Variants in CHD7 observed in about 807,000 individuals in gnomAD.
CHD7 encodes ATP-dependent chromatin remodeler CHD7.
In CHD7, 24 loss-of-function variants were observed where a neutral mutation model predicts 307.3. The observed-to-expected ratio is 0.08, with a 90% CI of 0.06 to 0.11. The LOEUF is 0.11. Ranked by LOEUF, CHD7 falls within the 10% of genes least tolerant of loss-of-function variation. The pLI is 1.00. For synonymous variants in CHD7, 1,363 were observed against 1,349.9 expected, an observed-to-expected ratio of 1.01 and a Z score of -0.21; for missense variants, 3,106 against 3,727.1, an observed-to-expected ratio of 0.83 and a Z score of 4.34.
At position 60,743,006 on chromosome 8, in the gene CHD7, A is replaced by C; in HGVS notation, c.1574A>C (p.His525Pro). Reference sequence around the variant, plus strand: ...CTGCAGCCTCACCCGGGCTTGCACCACCAGTCTTCACCTCCACACCCTCAT... The same window carrying C: ...CTGCAGCCTCACCCGGGCTTGCACCCCCAGTCTTCACCTCCACACCCTCAT... ...PPLQPHPGLH[H>P]QSSPPHPHHQ... Residue 525 changes from histidine (H) to proline (P), a missense_variant, in exon 2 of 38, where the codon CAC becomes CCC. Physicochemically the swap from His to Pro is moderately conservative, Grantham distance 77. Transcript: ENST00000423902. The C allele has an allele frequency of 6.2e-7, 1 of 1,613,800 alleles. No homozygotes were observed. The highest frequency in any genetic ancestry group is 1.1e-5 in the South Asian group (1 of 91,042).
intron 21 of CHD7, 111 bp downstream of exon 21, chr8:60,842,163 A>C: frequency 1.2e-6 from 1 of 850,114 alleles, no homozygotes; most frequent in Non-Finnish European, 1.8e-6. Context: ...ACCCCTTTGC[A>C]CAGTCAAATG....
At chr8:60,749,755 A>T (rs1271352330) in intron 2 of CHD7, among the ~76,000 whole-genome samples, 3 of 152,208 alleles carry the variant, frequency 2.0e-5, no homozygotes, top group African/African-American at 7.2e-5. Context: ...CTGCTTTCTC[A>T]CTTGCTGTGG....
chr8:60,834,505 TA>T lies in CHD7; in HGVS notation c.3779-1562del, dbSNP rs1436874208. Among the ~76,000 whole-genome samples the T allele has an allele frequency of 1.4e-4, 22 of 152,352 alleles. No individual in the cohort carries two copies. The South Asian group carries it at 3.9e-3, about 27-fold the overall frequency. ...AGCTGGGTTTCTAAATTTCATGTTT[TA>T]AAAAATATTTAACTTTATTCAAGAA... is the stretch of plus-strand genomic sequence containing the variant. On this transcript the variant is annotated intron_variant, in intron 15 of 37. Transcript: ENST00000423902.
intron 1 of CHD7, among the ~76,000 whole-genome samples, chr8:60,687,516 A>C (rs919806604): frequency 2.0e-5 from 3 of 152,360 alleles, no homozygotes; most frequent in East Asian, 1.9e-4. Context: ...CCGATCTTGC[A>C]AGAAAAATCA....
At chr8:60,825,848 T>C (rs923672119) in intron 13 of CHD7, among the ~76,000 whole-genome samples, 1 of 152,120 alleles carries the variant, frequency 6.6e-6, no homozygotes, top group Non-Finnish European at 1.5e-5. Flanking sequence ...TTGGGCTATT[T>C]TTTTTTTTAA....
intron 2 of CHD7, among the ~76,000 whole-genome samples, chr8:60,762,583 G>A (rs116704852): frequency 0.01 from 1,574 of 152,274 alleles, 27 homozygotes; most frequent in African/African-American, 0.036. Context: ...GATAATACAT[G>A]TACTGTGCTT....
At chr8:60,851,164 G>A (rs1805438254) in intron 27 of CHD7, 60 bp downstream of exon 27, 1 of 1,480,328 alleles carries the variant, frequency 6.8e-7, no homozygotes, top group African/African-American at 1.4e-5. Context: ...GCCCACATAA[G>A]ACTTGTTAAA....
intron 1 of CHD7, among the ~76,000 whole-genome samples, chr8:60,733,542 G>C (rs1032611644): frequency 6.6e-6 from 1 of 152,222 alleles, no homozygotes; most frequent in African/African-American, 2.4e-5. Flanking sequence ...TTAGGAGTTA[G>C]CTTCAGAGAG....
At chr8:60,679,754 G>A (rs1431107338) in intron 1 of CHD7, 1 of 148,842 alleles carries the variant, frequency 6.7e-6, no homozygotes, top group East Asian at 2.0e-4. Flanking sequence ...CTCCCGGCGC[G>A]GCGGCGCCAG....
intron 2 of CHD7, among the ~76,000 whole-genome samples, chr8:60,764,846 C>T (rs529227629): frequency 6.6e-6 from 1 of 152,214 alleles, no homozygotes; most frequent in Non-Finnish European, 1.5e-5. Context: ...GAAGGAGAAA[C>T]TTACGCAGAC....
At chr8:60,765,707 C>T (rs989193573) in intron 2 of CHD7, among the ~76,000 whole-genome samples, 9 of 152,246 alleles carry the variant, frequency 5.9e-5, no homozygotes, top group Middle Eastern at 3.4e-3. Context: ...CCAGGAGGGC[C>T]GGGGGCAGCC....
At chr8:60,680,401 G>T (rs1337984041) in intron 1 of CHD7, among the ~76,000 whole-genome samples, 8 of 91,706 alleles carry the variant, frequency 8.7e-5, no homozygotes, top group Non-Finnish European at 1.3e-4. Flanking sequence ...GAGGTCGCGG[G>T]GGGGGGGGGC....
chr8:60,833,875 C>T (rs1018934613), intron 15 of CHD7, among the ~76,000 whole-genome samples: 2 of 152,174 alleles, frequency 1.3e-5, no homozygotes, highest in Non-Finnish European at 1.5e-5. Context: ...ACACTCTTCC[C>T]ACCCTCTTTC....
chr8:60,858,810 A>G (rs1355463896), intron 34 of CHD7, among the ~76,000 whole-genome samples: 1 of 152,056 alleles, frequency 6.6e-6, no homozygotes, highest in Non-Finnish European at 1.5e-5. Flanking sequence ...GGGTTTCACC[A>G]TGTTGCCCAG....
At chr8:60,823,769 C>G in intron 12 of CHD7, 71 bp from the exon 13 acceptor site, 1 of 1,207,922 alleles carries the variant, frequency 8.3e-7, no homozygotes, top group Admixed American at 1.9e-5. Context: ...ATGTTTTATG[C>G]TATTTATTCA....
At position 60,830,511 on chromosome 8, in the gene CHD7, G is replaced by A. The variant is rs794727150; in HGVS notation, c.3712G>A (p.Val1238Ile). 4 of 1,613,764 alleles carry A rather than the reference G, an allele frequency of 2.5e-6. No individual in the cohort carries two copies. Among genetic ancestry groups the A allele is most frequent in the Non-Finnish European group, 2.5e-6 (3 of 1,179,842 alleles). The change falls in exon 15 of 38, where the codon GTA becomes ATA. Residue 1238 changes from valine (V) to isoleucine (I), a missense_variant. By Grantham distance (29) the Val-to-Ile change is conservative (BLOSUM62 3). This residue lies in a region of CHD7 where 232 missense variants were observed against 422.5 expected (regional missense o/e 0.55). Coordinates refer to ENST00000423902, the MANE Select transcript of CHD7 (RefSeq NM_017780.4). Reference protein sequence around the residue: ...FLSKGGGQANVPNLLNTMMEL... With the variant: ...FLSKGGGQANIPNLLNTMMEL... ...TTCCAAAGGCGGTGGTCAAGCTAAC[G>A]TACCTAACCTATTAAACACTATGAT... is the stretch of plus-strand genomic sequence containing the variant.
At chr8:60,746,876 G>A (rs1294943363) in intron 2 of CHD7, among the ~76,000 whole-genome samples, 2 of 152,120 alleles carry the variant, frequency 1.3e-5, no homozygotes, top group African/African-American at 2.4e-5. Flanking sequence ...AAGATTTACA[G>A]GGAAGGGAAA....
intron 2 of CHD7, among the ~76,000 whole-genome samples, chr8:60,763,450 A>T (rs1161650459): frequency 1.3e-5 from 2 of 152,028 alleles, no homozygotes; most frequent in African/African-American, 4.8e-5. Flanking sequence ...TTGAATTAAG[A>T]CAGTGTGGGT....
rs545914224 is a variant in CHD7, at chr8:60,851,223, C to T, written c.5608-39C>T. 7 of 1,536,908 alleles carry T rather than the reference C, an allele frequency of 4.6e-6. No homozygotes were observed. The East Asian group carries it at 9.8e-5, about 21-fold the overall frequency. ...TTAAAAGACAAAGAAAAATGAGACC[C>T]CAAATTAAAGTAATTCTGTTTCTTG... is the stretch of plus-strand genomic sequence containing the variant. On this transcript the variant is annotated intron_variant, in intron 27 of 37. Coordinates refer to ENST00000423902, the MANE Select transcript of CHD7 (RefSeq NM_017780.4).
Sources: allele counts gnomAD v4.1 joint callset (sites outside exome capture counted in the v4.1 genomes callset), GRCh38; gene constraint gnomAD v4.1.1; regional missense constraint gnomAD v4.1.1; transcripts MANE v1.5; gene names NCBI Gene and HGNC (gene_info 2026-07-23, HGNC 2026-07-21).